Variants in LARS2 observed in about 807,000 individuals in gnomAD.
LARS2 encodes the protein leucyl-tRNA synthetase 2, mitochondrial.
A neutral mutation model predicts 116.6 loss-of-function variants in LARS2; 81 were observed. The ratio of observed to expected loss-of-function variants is 0.69; its 90% CI spans 0.58 to 0.84. LARS2 has a LOEUF of 0.84. Ranked by LOEUF, LARS2 falls within the 40% of genes least tolerant of loss-of-function variation. The pLI is 0.00. For missense variants in LARS2, 968 were observed against 1,114.5 expected (o/e 0.87, Z 1.87); for synonymous variants, 396 against 407.2 (o/e 0.97, Z 0.33).
intron 20 of LARS2, among the ~76,000 whole-genome samples, chr3:45,525,894 A>G (rs1700523593): frequency 6.6e-6 from 1 of 152,214 alleles, no homozygotes; most frequent in Non-Finnish European, 1.5e-5. Flanking sequence ...ACAACCACAT[A>G]GCTTAAATAC....
chr3:45,433,169 G>C (rs891729318), intron 6 of LARS2, among the ~76,000 whole-genome samples: 61 of 151,698 alleles, frequency 4.0e-4, no homozygotes, highest in African/African-American at 1.4e-3. Context: ...TGGGTTTTTT[G>C]TAAATTGAAA....
At chr3:45,546,976 C>T (rs758162953) in intron 21 of LARS2, among the ~76,000 whole-genome samples, 3 of 152,176 alleles carry the variant, frequency 2.0e-5, no homozygotes, top group Admixed American at 6.5e-5. Flanking sequence ...ACTTGAGCCC[C>T]GATGACAGAA....
At chr3:45,515,753 G>A (rs540517857) in intron 16 of LARS2, among the ~76,000 whole-genome samples, 5 of 152,294 alleles carry the variant, frequency 3.3e-5, no homozygotes, top group Admixed American at 2.0e-4. Flanking sequence ...CAACGTGTGC[G>A]AGTTTTTCAA....
In LARS2 at chr3:45,401,568, A is replaced by G. The variant is rs578095087; in HGVS notation, c.363+1195A>G. Among the ~76,000 whole-genome samples, 7 of 152,170 alleles carry G rather than the reference A, an allele frequency of 4.6e-5. No individual in the cohort carries two copies. In the South Asian group the frequency reaches 1.5e-3, roughly 32 times the overall value. ...GAAATTTATTGTGAGAGAGGAGGAC[A>G]AACGCCCTTCCTTGGCTGATGTGGG... On this transcript the variant is annotated intron_variant, in intron 4 of 21. Transcript: ENST00000645846.
intron 7 of LARS2, among the ~76,000 whole-genome samples, chr3:45,455,175 G>A (rs1352189014): frequency 5.8e-5 from 8 of 138,918 alleles, no homozygotes; most frequent in African/African-American, 2.2e-4. Flanking sequence ...ATTATGATGT[G>A]CAAACCTCTT....
intron 14 of LARS2, among the ~76,000 whole-genome samples, chr3:45,498,847 T>G (rs1184736786): frequency 1.3e-5 from 2 of 152,230 alleles, no homozygotes; most frequent in Admixed American, 1.3e-4. Context: ...GAGAAAGCCT[T>G]TCTATTAGTA....
At chr3:45,505,919 A>C (rs1398212068) in intron 15 of LARS2, among the ~76,000 whole-genome samples, 1 of 152,098 alleles carries the variant, frequency 6.6e-6, no homozygotes, top group Non-Finnish European at 1.5e-5. Flanking sequence ...ATATTCAAGC[A>C]GGAAAAAGGG....
At chr3:45,543,249 T>C (rs1011302287) in intron 21 of LARS2, among the ~76,000 whole-genome samples, 5 of 152,096 alleles carry the variant, frequency 3.3e-5, no homozygotes, top group African/African-American at 9.6e-5. Context: ...TTCTTTTCTT[T>C]CTTTATTGTT....
chr3:45,435,027 C>T (rs564770346), intron 6 of LARS2, among the ~76,000 whole-genome samples: 2 of 152,282 alleles, frequency 1.3e-5, no homozygotes, highest in African/African-American at 4.8e-5. Flanking sequence ...TTAGGATCAA[C>T]AGGACAGAAT....
At chr3:45,519,384 G>C (rs544626679) in intron 18 of LARS2, among the ~76,000 whole-genome samples, 3 of 150,988 alleles carry the variant, frequency 2.0e-5, no homozygotes, top group South Asian at 4.2e-4. Context: ...CCAGCTACTC[G>C]GGAGGCTGAA....
chr3:45,505,086 TAAAA>T (rs949019876), intron 15 of LARS2, among the ~76,000 whole-genome samples: 1 of 145,406 alleles, frequency 6.9e-6, no homozygotes, highest in South Asian at 2.2e-4. Context: ...GTCTAAAAAT[TAAAA>T]AAAAAAGCAA....
Position 45,524,122 on chromosome 3 carries a change from T to C in LARS2, c.2404+14T>C. ...AGATCTGGGCAGGTACGTGGCAGAG[T>C]CCTTTTTTGACCAGTTACTACTAAC... On this transcript the variant is annotated intron_variant, in intron 20 of 21. Coordinates refer to ENST00000645846, the MANE Select transcript of LARS2 (RefSeq NM_015340.4). 1.3e-6 allele frequency: 2 copies of C among 1,551,148 alleles called. No homozygotes were observed. The highest frequency in any genetic ancestry group is 1.8e-6 in the Non-Finnish European group (2 of 1,123,056).
intron 18 of LARS2, among the ~76,000 whole-genome samples, chr3:45,519,294 A>T (rs1198156805): frequency 6.6e-6 from 1 of 151,860 alleles, no homozygotes; most frequent in Non-Finnish European, 1.5e-5. Context: ...GATTGAGACC[A>T]TCCTGGCTAA....
chr3:45,451,125 C>A (rs760850438), intron 7 of LARS2, among the ~76,000 whole-genome samples: 1 of 151,934 alleles, frequency 6.6e-6, no homozygotes, highest in Non-Finnish European at 1.5e-5. Context: ...GAATAATTTG[C>A]GAATATTTTT....
chr3:45,437,559 GAGTC>G (rs1389465923), intron 6 of LARS2, among the ~76,000 whole-genome samples: 1 of 152,200 alleles, frequency 6.6e-6, no homozygotes. Flanking sequence ...TGGGCAGTGG[GAGTC>G]ATGAGGAATC....
intron 10 of LARS2, among the ~76,000 whole-genome samples, chr3:45,479,429 AG>A (rs527822886): frequency 9.9e-5 from 15 of 151,898 alleles, no homozygotes; most frequent in Non-Finnish European, 2.2e-4. Flanking sequence ...AGCAGGGATC[AG>A]GATGGAGGGA....
intron 18 of LARS2, among the ~76,000 whole-genome samples, chr3:45,519,141 G>A (rs2125755351): frequency 6.6e-6 from 1 of 152,282 alleles, no homozygotes; most frequent in African/African-American, 2.4e-5. Context: ...GAAAAGCACA[G>A]AAACATGAAA....
chr3:45,514,721 C>T (rs1460800516), intron 16 of LARS2, among the ~76,000 whole-genome samples: 1 of 152,206 alleles, frequency 6.6e-6, no homozygotes, highest in Admixed American at 6.5e-5. Flanking sequence ...ACGAGGGTGA[C>T]TTTTTCTAAC....
intron 17 of LARS2, 114 bp downstream of exon 17, chr3:45,516,390 C>T: frequency 3.8e-6 from 4 of 1,047,830 alleles, no homozygotes; most frequent in Non-Finnish European, 5.6e-6. Flanking sequence ...TTCTAGGAAT[C>T]AGTTCCATAG....
Sources: allele counts gnomAD v4.1 joint callset (sites outside exome capture counted in the v4.1 genomes callset), GRCh38; gene constraint gnomAD v4.1.1; transcripts MANE v1.5; gene names NCBI Gene and HGNC (gene_info 2026-07-23, HGNC 2026-07-21).